Variants in SARDH observed in about 807,000 individuals in gnomAD.
SARDH encodes the protein sarcosine dehydrogenase, also known as sarcosine dehydrogenase, mitochondrial.
Under a neutral mutation model 109.1 loss-of-function variants are expected in SARDH, and 95 were observed. The ratio of observed to expected loss-of-function variants is 0.87; its 90% CI spans 0.74 to 1.03. The LOEUF (loss-of-function observed/expected upper bound fraction) is 1.03, where lower values mean the gene tolerates loss of function less well. Ranked by LOEUF, SARDH falls within the 50% of genes least tolerant of loss-of-function variation. The pLI is 0.00. For synonymous variants in SARDH, 572 were observed against 534.8 expected, an observed-to-expected ratio of 1.07 and a Z score of -0.96; for missense variants, 1,267 against 1,287.8, an observed-to-expected ratio of 0.98 and a Z score of 0.25.
intron 16 of SARDH, among the ~76,000 whole-genome samples, chr9:133,689,523 G>A (rs1406105807): frequency 6.6e-6 from 1 of 152,148 alleles, no homozygotes; most frequent in Admixed American, 6.5e-5. Flanking sequence ...GCACAAGGGG[G>A]ACGCATCCCC....
chr9:133,688,029 C>G (rs1830947220), intron 16 of SARDH, among the ~76,000 whole-genome samples: 1 of 152,068 alleles, frequency 6.6e-6, no homozygotes, highest in African/African-American at 2.4e-5. Context: ...GGTCCATCTG[C>G]CACCTCCTCC....
chr9:133,730,041 G>A, intron 5 of SARDH, 23 bp downstream of exon 5: 1 of 1,613,766 alleles, frequency 6.2e-7, no homozygotes, highest in Non-Finnish European at 8.5e-7. Context: ...CCACACAGGA[G>A]TCAGGAGAAA....
At chr9:133,677,450 G>T (rs916061082) in intron 17 of SARDH, among the ~76,000 whole-genome samples, 14 of 152,172 alleles carry the variant, frequency 9.2e-5, no homozygotes, top group Admixed American at 5.2e-4. Flanking sequence ...CTGGCCAGGT[G>T]GGGGTCAAGC....
At chr9:133,732,174 C>T (rs1832707259) in intron 3 of SARDH, among the ~76,000 whole-genome samples, 1 of 152,108 alleles carries the variant, frequency 6.6e-6, no homozygotes. Context: ...CCTTCTCTCG[C>T]GGCAGAAGGG....
At chr9:133,678,246 T>A (rs1056266201) in intron 17 of SARDH, among the ~76,000 whole-genome samples, 7 of 152,090 alleles carry the variant, frequency 4.6e-5, no homozygotes, top group African/African-American at 1.7e-4. Flanking sequence ...TCGAGGCTCA[T>A]CTGCGGCAAG....
chr9:133,671,638 C>G lies in SARDH; in HGVS notation c.2223G>C (p.Lys741Asn). 1 of 1,598,126 alleles carries G rather than the reference C, an allele frequency of 6.3e-7. No homozygotes were observed. Residue 741 changes from lysine to asparagine, a missense_variant, in exon 18 of 21, where the codon AAG becomes AAC. Physicochemically the swap from Lys to Asn is moderately conservative, Grantham distance 94. Coordinates refer to ENST00000439388, the MANE Select transcript of SARDH (RefSeq NM_001134707.2). ...GELGWELHIP[K>N]ASCVPVYRAV... ...CCCGGTACACAGGCACGCAGGACGC[C>G]TTTGGAATGTGCAGCTCCCAGCCCA...
At chr9:133,679,153 C>T (rs1290028473) in intron 17 of SARDH, among the ~76,000 whole-genome samples, 8 of 152,204 alleles carry the variant, frequency 5.3e-5, no homozygotes, top group South Asian at 4.1e-4. Context: ...CAGCTCGACC[C>T]GTGACAGGGA....
rs77223280 is a variant in SARDH at position 133,671,233 on chromosome 9, C to A, written c.2326+302G>T. 9.1e-3 allele frequency among the ~76,000 whole-genome samples: 1,385 copies of A among 152,222 alleles called. 30 individuals carry two copies. Among genetic ancestry groups the A allele is most frequent in the African/African-American group, 0.031 (1,285 of 41,514 alleles). On this transcript the variant is annotated intron_variant, in intron 18 of 20. Transcript: ENST00000439388. ...ACCAAGGCCCTCAATTCCAACCCAG[C>A]CTGGGCCTGACCCCCAGGTGTCAGG...
intron 10 of SARDH, among the ~76,000 whole-genome samples, chr9:133,710,456 G>A (rs1232297265): frequency 6.6e-6 from 1 of 152,240 alleles, no homozygotes; most frequent in Non-Finnish European, 1.5e-5. Context: ...ACCCAGGGAC[G>A]GCTCAGGCTG....
chr9:133,706,771 C>A (rs186856688), intron 11 of SARDH, among the ~76,000 whole-genome samples: 2 of 152,312 alleles, frequency 1.3e-5, no homozygotes, highest in African/African-American at 4.8e-5. Flanking sequence ...GAACGAGGCC[C>A]CGAGCGCAGG....
chr9:133,712,847 GA>G lies in SARDH; in HGVS notation c.1238-139del. The G allele has an allele frequency of 1.1e-6, 1 of 946,324 alleles. No homozygotes were observed. Among genetic ancestry groups the G allele is most frequent in the Non-Finnish European group, 1.6e-6 (1 of 624,142 alleles). The allele number at this position is 946,324 out of a possible 1,614,324, so 58.6% of individuals were successfully genotyped here. Reference sequence around the variant, plus strand: ...ACACCTGGGGTGCTGCACGCCTCCTGATTGGACTGCTGCTGGACTGGACCCT... The same window carrying G: ...ACACCTGGGGTGCTGCACGCCTCCTGTTGGACTGCTGCTGGACTGGACCCT... On this transcript the variant is annotated intron_variant, in intron 9 of 20. Transcript: ENST00000439388. This position sits in a 1 kb window ranked among gnomAD's most constrained non-coding sequence, Gnocchi z 4.1.
In SARDH at chr9:133,718,711, G is replaced by A. The variant is rs1214616010; in HGVS notation, c.1020+227C>T. On this transcript the variant is annotated intron_variant, in intron 7 of 20. Transcript: ENST00000439388. This position sits in a 1 kb window ranked among gnomAD's most constrained non-coding sequence, Gnocchi z 4.2. ...CACTGCGCAGACCTTCTCTGTGGATGTTTTGAGGCAAAGCCCTCCAGCTGC... is the reference window on the plus strand; with the variant it reads ...CACTGCGCAGACCTTCTCTGTGGATATTTTGAGGCAAAGCCCTCCAGCTGC... 1.3e-6 allele frequency: 1 copy of A among 779,730 alleles called. No individual in the cohort carries two copies. Among genetic ancestry groups the A allele is most frequent in the East Asian group, 2.4e-5 (1 of 41,184 alleles). The allele number at this position is 779,730 out of a possible 1,614,324, so 48.3% of individuals were successfully genotyped here. A position where few individuals can be genotyped will look rare whatever the true frequency, so the allele number is the denominator to read the frequency against.
intron 20 of SARDH, among the ~76,000 whole-genome samples, chr9:133,664,761 A>G (rs1303879562): frequency 1.3e-5 from 2 of 151,960 alleles, no homozygotes; most frequent in African/African-American, 4.8e-5. Flanking sequence ...TAAAAAACAA[A>G]CCAAGCTTTT....
chr9:133,663,890 C>A lies in SARDH; in HGVS notation c.2756G>T (p.Ter919LeuextTer38), dbSNP rs1317162987. Reference sequence around the variant, plus strand: ...GGATGGGGCATGTGGTCTGAGCCCTCAGTAGATTCCCTTCACCCTCTTGTT... The same window carrying A: ...GGATGGGGCATGTGGTCTGAGCCCTAAGTAGATTCCCTTCACCCTCTTGTT... The part of the protein sequence containing the change: ...PNNKRVKGIY[*>L] The change falls in exon 21 of 21, where the codon TGA (stop) becomes TTA (leucine). Residue 919 changes from the stop codon to leucine, a stop_lost. Coordinates refer to ENST00000439388, the MANE Select transcript of SARDH (RefSeq NM_001134707.2). 1 of 1,614,126 alleles carries A rather than the reference C, an allele frequency of 6.2e-7. No individual in the cohort carries two copies. Among genetic ancestry groups the A allele is most frequent in the East Asian group, 2.2e-5 (1 of 44,888 alleles).
intron 14 of SARDH, among the ~76,000 whole-genome samples, chr9:133,694,886 A>G (rs929512037): frequency 1.3e-5 from 2 of 152,004 alleles, no homozygotes; most frequent in African/African-American, 4.8e-5. Flanking sequence ...AGAAACAGGG[A>G]TGTGTGGGCT....
intron 6 of SARDH, among the ~76,000 whole-genome samples, chr9:133,719,463 G>A (rs1219623118): frequency 1.3e-5 from 2 of 152,130 alleles, no homozygotes. Context: ...AGGAGAGGGA[G>A]ACTGAGCAAG....
In SARDH at chr9:133,728,369, T is replaced by C. The variant is rs1832564826; in HGVS notation, c.915+1396A>G. 6.6e-6 allele frequency among the ~76,000 whole-genome samples: 1 copy of C among 152,126 alleles called. No individual in the cohort carries two copies. Among genetic ancestry groups the C allele is most frequent in the African/African-American group, 2.4e-5 (1 of 41,424 alleles). On this transcript the variant is annotated intron_variant, in intron 6 of 20. Coordinates refer to ENST00000439388, the MANE Select transcript of SARDH (RefSeq NM_001134707.2). This position sits in a 1 kb window ranked among gnomAD's most constrained non-coding sequence, Gnocchi z 5.0. ...AATGGGCAGCCCCCAGGGACGAGGCTCCCAGCTCAGGGGCCCAGGCTTCCC... is the reference window on the plus strand; with the variant it reads ...AATGGGCAGCCCCCAGGGACGAGGCCCCCAGCTCAGGGGCCCAGGCTTCCC...
chr9:133,664,830 A>G (rs1830006610), intron 20 of SARDH, among the ~76,000 whole-genome samples: 1 of 152,224 alleles, frequency 6.6e-6, no homozygotes, highest in Admixed American at 6.5e-5. Flanking sequence ...TGCAGGGCTG[A>G]GAGCTCTGAG....
intron 11 of SARDH, among the ~76,000 whole-genome samples, 198 bp downstream of exon 11, chr9:133,708,089 T>C (rs1178439664): frequency 6.6e-6 from 1 of 152,112 alleles, no homozygotes; most frequent in Non-Finnish European, 1.5e-5. Flanking sequence ...CATTTCCACT[T>C]TATTCCCTAA....
Sources: gnomAD v4.1 joint callset for allele counts (sites outside exome capture counted in the v4.1 genomes callset) on GRCh38, gnomAD v4.1.1 for gene constraint, Gnocchi (gnomAD v3.1) non-coding constraint, MANE v1.5 for transcripts, NCBI Gene and HGNC (gene_info 2026-07-23, HGNC 2026-07-21) for gene names.